The following TFDP2 variants were observed in gnomAD, a reference collection of about 807,000 sequenced individuals.
TFDP2 encodes the protein transcription factor Dp-2 (E2F dimerization partner 2).
Under a neutral mutation model 59.3 loss-of-function variants are expected in TFDP2, and 17 were observed. The ratio of observed to expected loss-of-function variants is 0.29; its 90% CI spans 0.20 to 0.43. TFDP2 has a LOEUF of 0.43. TFDP2 is among the 20% of genes least tolerant of loss of function. TFDP2 has a pLI of 1.00. For synonymous variants in TFDP2, 180 were observed against 194.7 expected (o/e 0.92, Z 0.63); for missense variants, 391 against 528.8 (o/e 0.74, Z 2.56).
At chr3:142,034,408 TATTA>T (rs1295992897) in intron 3 of TFDP2, among the ~76,000 whole-genome samples, 3 of 151,888 alleles carry the variant, frequency 2.0e-5, no homozygotes, top group Non-Finnish European at 2.9e-5. Flanking sequence ...CTGCACCAAC[TATTA>T]ATTAATTATT....
chr3:141,955,850 C>T (rs1261523234), intron 11 of TFDP2, among the ~76,000 whole-genome samples: 1 of 152,172 alleles, frequency 6.6e-6, no homozygotes, highest in African/African-American at 2.4e-5. Flanking sequence ...CTCTGTTGCC[C>T]AGGCTGGAGT....
At chr3:142,119,974 C>T (rs7644182) in intron 1 of TFDP2, among the ~76,000 whole-genome samples, 78,625 of 151,390 alleles carry the variant, frequency 0.52, 20,790 homozygotes, top group East Asian at 0.71. Flanking sequence ...TGTTTGAACC[C>T]GGCAGGCGGA....
At chr3:142,030,381 T>C (rs1946364327) in intron 3 of TFDP2, among the ~76,000 whole-genome samples, 1 of 152,246 alleles carries the variant, frequency 6.6e-6, no homozygotes, top group Non-Finnish European at 1.5e-5. Flanking sequence ...AGTAAGTTTT[T>C]GTGGACAGTC....
chr3:142,078,818 C>T (rs1205109479), intron 3 of TFDP2, among the ~76,000 whole-genome samples: 1 of 151,924 alleles, frequency 6.6e-6, no homozygotes, highest in Non-Finnish European at 1.5e-5. Flanking sequence ...ACACCAGTAA[C>T]CAATCCCAGA....
Position 141,978,567 on chromosome 3 carries a change from G to A in TFDP2, c.472C>T (p.Leu158=). ...TTSYNEVADE[L]VSEFTNSNNH... is the part of the protein sequence containing the mutation. ...TTTGAATTGGTGAACTCTGACACCA[G>A]CTCATCAGCGACTTCATTGTACGAT... The change falls in exon 7 of 13, where the codon CTG becomes TTG. Residue 158 remains leucine (L), a synonymous_variant. Transcript: ENST00000489671. 6.2e-7 allele frequency: 1 copy of A among 1,612,706 alleles called. No homozygotes were observed. The highest frequency in any genetic ancestry group is 2.2e-5 in the East Asian group (1 of 44,760).
intron 3 of TFDP2, among the ~76,000 whole-genome samples, chr3:142,081,593 AAGAAAAAAAGAGAG>A (rs2060640443): frequency 6.6e-6 from 1 of 152,168 alleles, no homozygotes; most frequent in African/African-American, 2.4e-5. Context: ...TAGTCAGACT[AAGAAAAAAAGAGAG>A]AAGACCCAAA....
At position 142,042,906 on chromosome 3, in the gene TFDP2, A is replaced by AT. The variant is rs971026230; in HGVS notation, c.83-37363dup. ...AAGCATGGGCCACCATGCCCGACTA[A>AT]TTTTTTTGTATTTTTAGTAGAGACG... On this transcript the variant is annotated intron_variant, in intron 3 of 12. Coordinates refer to ENST00000489671, the MANE Select transcript of TFDP2 (RefSeq NM_001178139.2). Among the ~76,000 whole-genome samples, 10 of 148,826 alleles carry AT rather than the reference A, an allele frequency of 6.7e-5. No individual in the cohort carries two copies. In the South Asian group the frequency reaches 1.9e-3, roughly 29 times the overall value.
chr3:142,035,643 C>T (rs1946660110), intron 3 of TFDP2, among the ~76,000 whole-genome samples: 1 of 152,098 alleles, frequency 6.6e-6, no homozygotes, highest in African/African-American at 2.4e-5. Context: ...TCTTGAATTC[C>T]CATGTGTTGT....
chr3:142,100,302 T>C (rs868382690), intron 2 of TFDP2, among the ~76,000 whole-genome samples: 5 of 152,250 alleles, frequency 3.3e-5, no homozygotes, highest in African/African-American at 7.2e-5. Flanking sequence ...CATCAGACTT[T>C]AACTGTGCCA....
chr3:142,010,332 C>T (rs553170714), intron 3 of TFDP2, among the ~76,000 whole-genome samples: 1 of 152,046 alleles, frequency 6.6e-6, no homozygotes, highest in African/African-American at 2.4e-5. Flanking sequence ...ACTTTTGGGC[C>T]GGGCGCAGTG....
At chr3:142,100,531 C>A (rs1330719480) in intron 2 of TFDP2, among the ~76,000 whole-genome samples, 1 of 152,314 alleles carries the variant, frequency 6.6e-6, no homozygotes, top group East Asian at 1.9e-4. Context: ...TGTCACCGCG[C>A]CTGGCTACTT....
intron 3 of TFDP2, among the ~76,000 whole-genome samples, chr3:142,063,667 GA>G (rs946265425): frequency 6.6e-6 from 1 of 152,142 alleles, no homozygotes; most frequent in Non-Finnish European, 1.5e-5. Flanking sequence ...ACAGAGGGTT[GA>G]AAAAGCAACA....
At position 141,973,978 on chromosome 3, in the gene TFDP2, T is replaced by C. The variant is rs570945856; in HGVS notation, c.663+70A>G. The stretch of plus-strand genomic sequence containing the variant: ...GGAAATATTTTATATTAGAATTACA[T>C]TTTTAAATTAAAATGCCTGTGATGT... On this transcript the variant is annotated intron_variant, in intron 8 of 12. Coordinates refer to ENST00000489671, the MANE Select transcript of TFDP2 (RefSeq NM_001178139.2). 2.5e-5 allele frequency: 38 copies of C among 1,495,456 alleles called. No individual in the cohort carries two copies. The South Asian group carries it at 4.6e-4, about 18-fold the overall frequency. The allele number at this position is 1,495,456 out of a possible 1,614,324, so 92.6% of individuals were successfully genotyped here.
chr3:142,034,154 G>A (rs910417704), intron 3 of TFDP2, among the ~76,000 whole-genome samples: 2 of 148,016 alleles, frequency 1.4e-5, no homozygotes, highest in African/African-American at 5.0e-5. Flanking sequence ...GGAGTGCAAT[G>A]GCGTGATCTC....
At chr3:142,044,881 A>C (rs78703617) in intron 3 of TFDP2, among the ~76,000 whole-genome samples, 8,625 of 152,214 alleles carry the variant, frequency 0.057, 299 homozygotes, top group Middle Eastern at 0.11. Context: ...CCATTTACTT[A>C]GATTTAATTA....
chr3:142,119,021 T>TC (rs919077123), intron 1 of TFDP2, among the ~76,000 whole-genome samples: 2 of 151,782 alleles, frequency 1.3e-5, no homozygotes, highest in African/African-American at 4.8e-5. Flanking sequence ...ACTAACTGGG[T>TC]GTAGTGGCAG....
rs1935962169 is a variant in TFDP2, at chr3:141,951,732, CCA to C, written c.*779_*780del. ...ATACAGTTTCCTTCTTTGTAAAACT[CCA>C]GATTTAGGATGCTGGCAAAGGCAGT... On this transcript the variant is annotated 3_prime_UTR_variant, in exon 13 of 13. Transcript: ENST00000489671. 1 of 152,578 alleles carries C rather than the reference CCA, an allele frequency of 6.6e-6. No homozygotes were observed. The allele number at this position is 152,578 out of a possible 1,614,324, so 9.5% of individuals were successfully genotyped here.
intron 2 of TFDP2, among the ~76,000 whole-genome samples, chr3:142,096,999 A>G (rs1156862194): frequency 2.0e-5 from 3 of 152,272 alleles, no homozygotes; most frequent in Non-Finnish European, 4.4e-5. Context: ...GGCTTCCAAC[A>G]CTTCAACCCT....
At chr3:141,973,125 T>A (rs375824610) in intron 8 of TFDP2, among the ~76,000 whole-genome samples, 1,057 of 69,710 alleles carry the variant, frequency 0.015, 4 homozygotes, top group East Asian at 0.038. Context: ...ATATATATAT[T>A]TTTTTTTTTT....
Sources: gnomAD v4.1 joint callset for allele counts (sites outside exome capture counted in the v4.1 genomes callset) on GRCh38, gnomAD v4.1.1 for gene constraint, MANE v1.5 for transcripts, NCBI Gene and HGNC (gene_info 2026-07-23, HGNC 2026-07-21) for gene names.